Variants in ADGRB3 observed in about 807,000 individuals in gnomAD.
The protein encoded by ADGRB3 is adhesion G protein-coupled receptor B3, also known as brain-specific angiogenesis inhibitor 3.
Under a neutral mutation model 193.4 loss-of-function variants are expected in ADGRB3, and 37 were observed. The observed-to-expected ratio is 0.19, with a 90% confidence interval of 0.15 to 0.25. ADGRB3 has a LOEUF of 0.25. Among genes scored for constraint, ADGRB3 ranks in the 10% least tolerant of loss-of-function variants. The pLI is 1.00. For missense variants in ADGRB3, 1,637 were observed against 1,852.9 expected (o/e 0.88, Z 2.14); for synonymous variants, 690 against 644.2 (o/e 1.07, Z -1.08).
At chr6:68,913,260 C>T (rs1202785400) in intron 3 of ADGRB3, among the ~76,000 whole-genome samples, 1 of 152,188 alleles carries the variant, frequency 6.6e-6, no homozygotes, top group Non-Finnish European at 1.5e-5. Flanking sequence ...TCCCTGACCC[C>T]TGACCCCCGA....
intron 13 of ADGRB3, among the ~76,000 whole-genome samples, chr6:69,045,469 T>A (rs1771207922): frequency 6.6e-6 from 1 of 152,138 alleles, no homozygotes; most frequent in South Asian, 2.1e-4. Flanking sequence ...GAAAGATTCA[T>A]ACTACTTTAA....
intron 3 of ADGRB3, among the ~76,000 whole-genome samples, chr6:68,806,946 G>T (rs867386581): frequency 5.3e-5 from 8 of 152,148 alleles, no homozygotes; most frequent in African/African-American, 1.7e-4. Context: ...TGTGTTAAAG[G>T]TATGCATATC....
intron 3 of ADGRB3, among the ~76,000 whole-genome samples, chr6:68,923,426 AAAG>A (rs1404155840): frequency 7.2e-5 from 11 of 152,098 alleles, no homozygotes; most frequent in African/African-American, 2.7e-4. Context: ...TTTTATGAAA[AAAG>A]AAGACATTTC....
chr6:69,233,679 A>G (rs1401850653), intron 18 of ADGRB3, among the ~76,000 whole-genome samples: 1 of 152,220 alleles, frequency 6.6e-6, no homozygotes, highest in Non-Finnish European at 1.5e-5. Context: ...TGTCACTAAT[A>G]TGCTGCAAAC....
At chr6:68,700,234 T>A (rs1765219636) in intron 3 of ADGRB3, among the ~76,000 whole-genome samples, 1 of 152,120 alleles carries the variant, frequency 6.6e-6, no homozygotes, top group African/African-American at 2.4e-5. Flanking sequence ...GGGCAGAAGT[T>A]TCAAATCCAA....
At chr6:68,837,521 T>C (rs1036879115) in intron 3 of ADGRB3, among the ~76,000 whole-genome samples, 4 of 152,252 alleles carry the variant, frequency 2.6e-5, no homozygotes, top group African/African-American at 9.6e-5. Context: ...TAAAGATTTC[T>C]GTAGAGTATA....
chr6:68,710,635 C>T (rs899502058), intron 3 of ADGRB3, among the ~76,000 whole-genome samples: 1 of 152,122 alleles, frequency 6.6e-6, no homozygotes, highest in Admixed American at 6.5e-5. Flanking sequence ...AGTACCAATG[C>T]ACCAGCCTGG....
At chr6:69,169,232 A>G (rs1392270178) in intron 17 of ADGRB3, among the ~76,000 whole-genome samples, 8 of 152,180 alleles carry the variant, frequency 5.3e-5, no homozygotes, top group East Asian at 3.9e-4. Context: ...TGATTATGCA[A>G]TTTTACAACT....
intron 3 of ADGRB3, among the ~76,000 whole-genome samples, chr6:68,724,831 A>T (rs1582150070): frequency 6.6e-6 from 1 of 151,804 alleles, no homozygotes; most frequent in Admixed American, 6.6e-5. Context: ...GGCACTGGGA[A>T]TATAAATGAG....
intron 22 of ADGRB3, 22 bp downstream of exon 22, chr6:69,327,911 A>G (rs774467127): frequency 6.4e-7 from 1 of 1,572,954 alleles, no homozygotes; most frequent in South Asian, 1.2e-5. Context: ...CACAGAGATA[A>G]ATCATGTTTA....
intron 3 of ADGRB3, among the ~76,000 whole-genome samples, chr6:68,650,165 A>G (rs1398422185): frequency 1.3e-5 from 2 of 152,172 alleles, no homozygotes; most frequent in African/African-American, 4.8e-5. Context: ...TTAATGTACT[A>G]AAGGTCTTAT....
intron 19 of ADGRB3, among the ~76,000 whole-genome samples, chr6:69,237,450 A>G (rs1477885490): frequency 1.3e-5 from 2 of 152,152 alleles, no homozygotes; most frequent in East Asian, 3.9e-4. Flanking sequence ...TTTTTACATG[A>G]AAAAATAATG....
chr6:68,725,815 A>C (rs1765663020), intron 3 of ADGRB3, among the ~76,000 whole-genome samples: 1 of 151,622 alleles, frequency 6.6e-6, no homozygotes, highest in Non-Finnish European at 1.5e-5. Flanking sequence ...AAGGGGGACC[A>C]TTGACAGATG....
chr6:69,056,511 A>T (rs1366194465), intron 15 of ADGRB3, among the ~76,000 whole-genome samples: 1 of 152,064 alleles, frequency 6.6e-6, no homozygotes, highest in Non-Finnish European at 1.5e-5. Context: ...TGCTCATTTT[A>T]GCTTTTCTTC....
chr6:69,033,133 A>C (rs930854666), intron 13 of ADGRB3, among the ~76,000 whole-genome samples: 3 of 152,164 alleles, frequency 2.0e-5, no homozygotes, highest in Non-Finnish European at 2.9e-5. Flanking sequence ...ACTTCTAGGC[A>C]GATATTATGA....
At chr6:69,351,733 T>C (rs1157204472) in intron 26 of ADGRB3, among the ~76,000 whole-genome samples, 2 of 152,338 alleles carry the variant, frequency 1.3e-5, no homozygotes, top group East Asian at 1.9e-4. Context: ...AAGACGTGGA[T>C]TTCTTTTACA....
chr6:68,842,792 A>C (rs1274757237), intron 3 of ADGRB3, among the ~76,000 whole-genome samples: 2 of 151,904 alleles, frequency 1.3e-5, no homozygotes, highest in Non-Finnish European at 2.9e-5. Flanking sequence ...CAAACAATAC[A>C]CTCAACAATA....
At chr6:68,647,492 T>C (rs1248038780) in intron 3 of ADGRB3, among the ~76,000 whole-genome samples, 2 of 152,186 alleles carry the variant, frequency 1.3e-5, no homozygotes, top group African/African-American at 4.8e-5. Context: ...GAGTGCCACT[T>C]AATTATTTGA....
intron 3 of ADGRB3, among the ~76,000 whole-genome samples, chr6:68,839,232 G>C (rs1270607818): frequency 6.6e-6 from 1 of 152,064 alleles, no homozygotes; most frequent in Admixed American, 6.6e-5. Context: ...CTTCTCTTAG[G>C]AATTGCAACA....
Sources: allele counts gnomAD v4.1 joint callset (sites outside exome capture counted in the v4.1 genomes callset), GRCh38; gene constraint gnomAD v4.1.1; transcripts MANE v1.5; gene names NCBI Gene and HGNC (gene_info 2026-07-23, HGNC 2026-07-21).